MADCAM1: variants seen among roughly 807,000 people sequenced by gnomAD.
MADCAM1 encodes the protein mucosal addressin cell adhesion molecule 1.
MADCAM1 carries 19 observed loss-of-function variants against 26.1 expected under a neutral mutation model. The ratio of observed to expected loss-of-function variants is 0.73; its 90% CI spans 0.51 to 1.07. The LOEUF (loss-of-function observed/expected upper bound fraction) is 1.07. Among genes scored for constraint, MADCAM1 ranks in the 50% least tolerant of loss-of-function variants. MADCAM1 has a pLI of 0.00. For missense variants in MADCAM1, 514 were observed against 542.1 expected, an observed-to-expected ratio of 0.95 and a Z score of 0.51; for synonymous variants, 268 against 260.9, an observed-to-expected ratio of 1.03 and a Z score of -0.26.
chr19:501,016 C>T (rs1163885452), intron 3 of MADCAM1, among the ~76,000 whole-genome samples: 2 of 151,932 alleles, frequency 1.3e-5, no homozygotes, highest in Admixed American at 1.3e-4. Flanking sequence ...CGAGACCTCC[C>T]ATCTCTACAA....
intron 3 of MADCAM1, chr19:499,433 C>T: frequency 2.2e-6 from 1 of 449,838 alleles, no homozygotes; most frequent in African/African-American, 2.0e-5. Flanking sequence ...CAGACACACA[C>T]ACGCGTGCAC....
At chr19:503,103 G>C (rs959331411) in intron 4 of MADCAM1, among the ~76,000 whole-genome samples, 15 of 152,214 alleles carry the variant, frequency 9.9e-5, no homozygotes, top group Admixed American at 2.0e-4. Context: ...ATTATTTCTA[G>C]TGTCTATGTC....
intron 3 of MADCAM1, 70 bp from the exon 4 acceptor site, chr19:501,599 C>G (rs139864935): frequency 1.3e-6 from 2 of 1,506,452 alleles, no homozygotes; most frequent in Admixed American, 4.3e-5. Context: ...CATCCAGATG[C>G]GGAGATTGAG....
rs1052305615 is a variant in MADCAM1, at chr19:499,080, C to T, written c.667+255C>T. 1.5e-5 allele frequency: 10 copies of T among 684,556 alleles called. No homozygotes were observed. The East Asian group carries it at 1.7e-4, about 12-fold the overall frequency. 42.4% of individuals were successfully genotyped at this position (684,556 alleles called of 1,614,324 possible). A position where few individuals can be genotyped will look rare whatever the true frequency, so the allele number is the denominator to read the frequency against. On this transcript the variant is annotated intron_variant, in intron 3 of 4. Coordinates refer to ENST00000215637, the MANE Select transcript of MADCAM1 (RefSeq NM_130760.3). ...CTTGGGGTCAAAGCCCAAGTCCTCC[C>T]GGGGGCCCACAGGAACCTGCACGAC...
intron 4 of MADCAM1, among the ~76,000 whole-genome samples, chr19:503,480 C>G (rs1385206674): frequency 7.2e-6 from 1 of 138,006 alleles, no homozygotes; most frequent in African/African-American, 2.8e-5. Flanking sequence ...ACTCGGGAGG[C>G]TGAGGCAGGA....
chr19:497,607 G>A (rs956569709), intron 1 of MADCAM1, among the ~76,000 whole-genome samples: 1 of 151,736 alleles, frequency 6.6e-6, no homozygotes, highest in East Asian at 1.9e-4. Context: ...CTGGCTCCAG[G>A]CAGCTGGGGT....
At chr19:501,434 A>C in intron 3 of MADCAM1, 1 of 368,388 alleles carries the variant, frequency 2.7e-6, no homozygotes, top group Non-Finnish European at 4.6e-6. Flanking sequence ...GTGGTGAGCC[A>C]AGATTGCGCC....
intron 4 of MADCAM1, among the ~76,000 whole-genome samples, chr19:503,492 A>C (rs1978456005): frequency 1.5e-5 from 2 of 136,874 alleles, no homozygotes; most frequent in African/African-American, 2.8e-5. Flanking sequence ...GAGGCAGGAG[A>C]ATGGCGTGAA....
Position 496,547 on chromosome 19 carries a change from C to G in MADCAM1, c.48C>G (p.Leu16=), listed in dbSNP as rs913807324. Residue 16 remains leucine (L), a synonymous_variant, in exon 1 of 5, where the codon CTC becomes CTG. Transcript: ENST00000215637. ...TGCTGGCGGGGCTTCTGGGGCTCCTCCTCGGTGAGAAGGGGAGGGGGCGCG... is the reference window on the plus strand; with the variant it reads ...TGCTGGCGGGGCTTCTGGGGCTCCTGCTCGGTGAGAAGGGGAGGGGGCGCG... ...ALLLAGLLGL[L]LGQSLQVKPL... 2 of 1,301,158 alleles carry G rather than the reference C, an allele frequency of 1.5e-6. No homozygotes were observed. The highest frequency in any genetic ancestry group is 2.0e-6 in the Non-Finnish European group (2 of 1,019,116). 80.6% of individuals were successfully genotyped at this position (1,301,158 alleles called of 1,614,324 possible).
chr19:502,582 G>A (rs1304498310), intron 4 of MADCAM1, among the ~76,000 whole-genome samples: 1 of 152,116 alleles, frequency 6.6e-6, no homozygotes, highest in African/African-American at 2.4e-5. Flanking sequence ...GATTACAGGT[G>A]TGAGCCACTG....
chr19:503,450 G>A (rs974767260), intron 4 of MADCAM1, among the ~76,000 whole-genome samples: 25 of 149,854 alleles, frequency 1.7e-4, no homozygotes, highest in African/African-American at 3.5e-4. Context: ...GCGTGGCAGC[G>A]GGCGCCTGTA....
At chr19:499,139 T>C (rs1283847069) in intron 3 of MADCAM1, 1 of 585,066 alleles carries the variant, frequency 1.7e-6, no homozygotes, top group Non-Finnish European at 3.2e-6. Context: ...CCCTCCACCC[T>C]TTCTCCCCCT....
chr19:501,622 A>C, intron 3 of MADCAM1, 47 bp from the exon 4 acceptor site: 1 of 1,534,552 alleles, frequency 6.5e-7, no homozygotes, highest in South Asian at 1.3e-5. Context: ...AGGAGAGGCA[A>C]GCCTGGGGCA....
At chr19:501,252 G>T (rs185183285) in intron 3 of MADCAM1, among the ~76,000 whole-genome samples, 1 of 151,286 alleles carries the variant, frequency 6.6e-6, no homozygotes, top group Non-Finnish European at 1.5e-5. Flanking sequence ...TTGGGAGGCC[G>T]AGGTGGGTAG....
intron 3 of MADCAM1, chr19:499,953 G>A (rs898865014): frequency 9.4e-6 from 4 of 424,144 alleles, no homozygotes; most frequent in African/African-American, 8.9e-5. Flanking sequence ...GGCTCCCGGG[G>A]ATAAAGCAGA....
At chr19:497,483 G>C (rs898035221) in intron 1 of MADCAM1, among the ~76,000 whole-genome samples, 1 of 147,952 alleles carries the variant, frequency 6.8e-6, no homozygotes, top group African/African-American at 2.5e-5. Flanking sequence ...CAGAGTTAAG[G>C]GGCTCCGAGA....
At chr19:500,271 A>C (rs1031537831) in intron 3 of MADCAM1, 47 of 430,652 alleles carry the variant, frequency 1.1e-4, no homozygotes, top group Middle Eastern at 3.6e-4. Context: ...AGGCACGTGG[A>C]GATTAAGGAG....
At chr19:497,712 C>G (rs1978292055) in intron 1 of MADCAM1, 121 bp from the exon 2 acceptor site, 2 of 720,096 alleles carry the variant, frequency 2.8e-6, no homozygotes, top group African/African-American at 3.2e-5. Flanking sequence ...GGGGGTGCAG[C>G]GGAGGGTCCG....
Position 501,940 on chromosome 19 carries a change from G to C in MADCAM1, c.928+11G>C. On this transcript the variant is annotated intron_variant, in intron 4 of 4. Coordinates refer to ENST00000215637, the MANE Select transcript of MADCAM1 (RefSeq NM_130760.3). ...TGATCCCAACAGGCTGTGAGTTCTG[G>C]TCCCTGGGGGCAGGGAGGGTGGGAA... 2 of 1,486,846 alleles carry C rather than the reference G, an allele frequency of 1.3e-6. No homozygotes were observed. Among genetic ancestry groups the C allele is most frequent in the Non-Finnish European group, 1.8e-6 (2 of 1,117,850 alleles). 92.1% of individuals were successfully genotyped at this position (1,486,846 alleles called of 1,614,324 possible). A position where few individuals can be genotyped will look rare whatever the true frequency, so the allele number is the denominator to read the frequency against.
Sources: allele counts gnomAD v4.1 joint callset (sites outside exome capture counted in the v4.1 genomes callset), GRCh38; gene constraint gnomAD v4.1.1; transcripts MANE v1.5; gene names NCBI Gene and HGNC (gene_info 2026-07-23, HGNC 2026-07-21).